The following CHD1 variants were observed in gnomAD, a reference collection of about 807,000 sequenced individuals.
CHD1 encodes chromodomain helicase DNA binding protein 1.
CHD1 carries 36 observed loss-of-function variants against 224.2 expected under a neutral mutation model. That is an observed-to-expected ratio of 0.16 (90% CI 0.12 to 0.21). The LOEUF is 0.21. Among genes scored for constraint, CHD1 ranks in the 10% least tolerant of loss-of-function variants. The probability of loss-of-function intolerance (pLI) is 1.00; values close to 1 mark genes in which losing one functional copy is unlikely to be tolerated. For missense variants in CHD1, 1,378 were observed against 1,994.8 expected, an observed-to-expected ratio of 0.69 and a Z score of 5.89; for synonymous variants, 668 against 658.3, an observed-to-expected ratio of 1.01 and a Z score of -0.23.
intron 2 of CHD1, among the ~76,000 whole-genome samples, chr5:98,917,114 T>C (rs1267388852): frequency 6.6e-6 from 1 of 152,178 alleles, no homozygotes; most frequent in South Asian, 2.1e-4. Flanking sequence ...TAAAAACTTT[T>C]GATCCTAGGA....
At chr5:98,890,604 C>CT (rs908275234) in intron 15 of CHD1, among the ~76,000 whole-genome samples, 9 of 152,154 alleles carry the variant, frequency 5.9e-5, no homozygotes, top group African/African-American at 9.7e-5. Context: ...CTTCTTCCTA[C>CT]TTTGACTTTT....
chr5:98,857,340 A>G (rs2112439344), intron 35 of CHD1, among the ~76,000 whole-genome samples: 1 of 152,222 alleles, frequency 6.6e-6, no homozygotes, highest in South Asian at 2.1e-4. Flanking sequence ...AAACTGACAC[A>G]CACACAACTG....
intron 2 of CHD1, among the ~76,000 whole-genome samples, chr5:98,905,890 T>C (rs1018436858): frequency 6.6e-6 from 1 of 152,182 alleles, no homozygotes; most frequent in African/African-American, 2.4e-5. Context: ...CCAAGGTCAT[T>C]TGTTTATATG....
At chr5:98,862,096 G>A (rs972372509) in intron 32 of CHD1, among the ~76,000 whole-genome samples, 1 of 152,110 alleles carries the variant, frequency 6.6e-6, no homozygotes, top group Non-Finnish European at 1.5e-5. Context: ...GGCGGAGGAT[G>A]CAGCGAGCTG....
At chr5:98,882,217 A>C in intron 19 of CHD1, 94 bp from the exon 20 acceptor site, 37 of 1,038,752 alleles carry the variant, frequency 3.6e-5, no homozygotes, top group Non-Finnish European at 4.8e-5. Context: ...ATTGAAGCTC[A>C]TTCTATATGA....
Position 98,901,479 on chromosome 5 carries a change from A to G in CHD1, c.438-144T>C, listed in dbSNP as rs371879625. The G allele has an allele frequency of 5.1e-4, 318 of 627,064 alleles. 1 individual carries two copies. In the South Asian group the frequency reaches 8.7e-3, roughly 17 times the overall value. The allele number at this position is 627,064 out of a possible 1,614,324, so 38.8% of individuals were successfully genotyped here. ...CTCATGCTAAAAATGAAATATTTATAAAACAAAAACACTCTGGAAAATATT... is the reference window on the plus strand; with the variant it reads ...CTCATGCTAAAAATGAAATATTTATGAAACAAAAACACTCTGGAAAATATT... On this transcript the variant is annotated intron_variant, in intron 5 of 35. Coordinates refer to ENST00000614616, the MANE Select transcript of CHD1 (RefSeq NM_001270.4).
rs759647586 is a variant in CHD1, at chr5:98,872,173, C to T, written c.3739G>A (p.Ala1247Thr). ...QYTIPCHTKA[A>T]HFDIDWGKED... ...TTGCCCCAGTCTATATCAAAATGAG[C>T]TGCCTTTGTGTGGCATGGGATAGTA... Residue 1247 changes from alanine to threonine, a missense_variant, in exon 28 of 36, where the codon GCT (alanine) becomes ACT (threonine). This residue lies in a region of CHD1 where 286 missense variants were observed against 445.1 expected (regional missense o/e 0.64). Transcript: ENST00000614616. 136 of 1,613,526 alleles carry T rather than the reference C, an allele frequency of 8.4e-5. No individual in the cohort carries two copies. The highest frequency in any genetic ancestry group is 1.1e-4 in the Non-Finnish European group (133 of 1,179,740).
Position 98,854,181 on chromosome 5 carries a change from T to G in CHD1, c.*2199A>C, listed in dbSNP as rs1204029950. The G allele has an allele frequency of 2.3e-5, 3 of 130,738 alleles. No homozygotes were observed. The highest frequency in any genetic ancestry group is 1.1e-4 in the African/African-American group (3 of 28,374). 8.1% of individuals were successfully genotyped at this position (130,738 alleles called of 1,614,324 possible). On this transcript the variant is annotated 3_prime_UTR_variant, in exon 36 of 36. Transcript: ENST00000614616. ...ACCATTGCGTCTTAATTTTTCTGAT[T>G]TCTTACAAAAATGAACATATTTTAT...
rs779838798 is a variant in CHD1, at chr5:98,902,904, T to C, written c.433A>G (p.Lys145Glu). 1.3e-6 allele frequency: 2 copies of C among 1,590,402 alleles called. No homozygotes were observed. Among genetic ancestry groups the C allele is most frequent in the East Asian group, 2.2e-5 (1 of 44,540 alleles). Reference protein sequence around the residue: ...SSSEVKRKKHKDEDWQMSGSG... With the variant: ...SSSEVKRKKHEDEDWQMSGSG... Reference sequence around the variant, plus strand: ...CAGTTGAACAAAATGACATACTCTTTATGCTTTTTCCTTTTGACCTCACTT... The same window carrying C: ...CAGTTGAACAAAATGACATACTCTTCATGCTTTTTCCTTTTGACCTCACTT... Residue 145 changes from lysine (K) to glutamate (E), a missense_variant, in exon 5 of 36, where the codon AAA (lysine) becomes GAA (glutamate). Lys to Glu is a moderately conservative substitution (Grantham distance 56, BLOSUM62 1). Transcript: ENST00000614616.
intron 31 of CHD1, among the ~76,000 whole-genome samples, chr5:98,866,696 A>G (rs1295609243): frequency 1.3e-5 from 2 of 152,180 alleles, no homozygotes; most frequent in Admixed American, 1.3e-4. Flanking sequence ...ATAGGAATAT[A>G]TATTTATATA....
intron 5 of CHD1, 33 bp downstream of exon 5, chr5:98,902,865 TAA>T: frequency 7.5e-7 from 1 of 1,339,270 alleles, no homozygotes; most frequent in Non-Finnish European, 1.0e-6. Context: ...AGGATTTTTC[TAA>T]AATGAAGTAG....
chr5:98,873,273 T>C (rs1235313659), intron 26 of CHD1, among the ~76,000 whole-genome samples: 2 of 152,162 alleles, frequency 1.3e-5, no homozygotes, highest in African/African-American at 2.4e-5. Context: ...AAAAAACCTA[T>C]AGATACTATA....
intron 4 of CHD1, 74 bp from the exon 5 acceptor site, chr5:98,903,038 T>C (rs1031829960): frequency 2.3e-6 from 2 of 863,528 alleles, no homozygotes; most frequent in South Asian, 1.6e-5. Flanking sequence ...TTATTTGCTA[T>C]ACTATTTAAC....
At position 98,898,328 on chromosome 5, in the gene CHD1, T is replaced by C. The variant is rs767432183; in HGVS notation, c.1293A>G (p.Lys431=). The change falls in exon 10 of 36, where the codon AAA becomes AAG. Residue 431 remains lysine, a synonymous_variant. Coordinates refer to ENST00000614616, the MANE Select transcript of CHD1 (RefSeq NM_001270.4). ...CSWEDGALIS[K]KFQACIDEYF... ...ACTCATCAATGCATGCTTGAAACTT[T>C]TTGGAAATGAGAGCTCCATCTTCCC... 1.9e-6 allele frequency: 3 copies of C among 1,602,542 alleles called. No homozygotes were observed. The highest frequency in any genetic ancestry group is 2.6e-6 in the Non-Finnish European group (3 of 1,174,904).
intron 17 of CHD1, among the ~76,000 whole-genome samples, chr5:98,886,731 G>C (rs1580430135): frequency 6.6e-6 from 1 of 152,030 alleles, no homozygotes; most frequent in East Asian, 1.9e-4. Context: ...GTCTATTAAA[G>C]TTTTAAAAAA....
At chr5:98,889,521 C>T (rs1166694528) in intron 15 of CHD1, among the ~76,000 whole-genome samples, 2 of 152,164 alleles carry the variant, frequency 1.3e-5, no homozygotes, top group Non-Finnish European at 2.9e-5. Flanking sequence ...AGATGGTCAG[C>T]TGCATTATTT....
chr5:98,878,641 A>G (rs1050370878), intron 23 of CHD1, among the ~76,000 whole-genome samples: 5 of 152,244 alleles, frequency 3.3e-5, no homozygotes, highest in African/African-American at 1.2e-4. Context: ...ATTTTTAAAA[A>G]TTAAAATTAC....
chr5:98,876,400 C>T lies in CHD1; in HGVS notation c.3396G>A (p.Arg1132=). 1.2e-6 allele frequency: 2 copies of T among 1,613,650 alleles called. No individual in the cohort carries two copies. Among genetic ancestry groups the T allele is most frequent in the Non-Finnish European group, 8.5e-7 (1 of 1,179,656 alleles). The change falls in exon 24 of 36, where the codon AGG becomes AGA. Residue 1132 remains arginine, a splice_region_variant and synonymous_variant. Coordinates refer to ENST00000614616, the MANE Select transcript of CHD1 (RefSeq NM_001270.4). The part of the protein sequence containing the change: ...NIKGFSDAEI[R]RFIKSYKKFG... ...GCGATTGTCTTATAACACCTTACCGCCTAATTTCTGCATCACTAAATCCTT... is the reference window on the plus strand; with the variant it reads ...GCGATTGTCTTATAACACCTTACCGTCTAATTTCTGCATCACTAAATCCTT...
intron 32 of CHD1, 46 bp from the exon 33 acceptor site, chr5:98,860,114 A>G (rs325203): frequency 0.16 from 179,422 of 1,091,354 alleles, 17,011 homozygotes; most frequent in Middle Eastern, 0.26. Flanking sequence ...CTGGTGGAAA[A>G]TATTTAGTTT....
Sources: gnomAD v4.1 joint callset for allele counts (sites outside exome capture counted in the v4.1 genomes callset) on GRCh38, gnomAD v4.1.1 for gene constraint, gnomAD v4.1.1 regional missense constraint, MANE v1.5 for transcripts, NCBI Gene and HGNC (gene_info 2026-07-23, HGNC 2026-07-21) for gene names.